The following NFXL1 variants were observed in gnomAD, a reference collection of about 807,000 sequenced individuals.
The protein encoded by NFXL1 is NF-X1-type zinc finger protein NFXL1.
NFXL1 carries 66 observed loss-of-function variants against 123.3 expected under a neutral mutation model. That is an observed-to-expected ratio of 0.54 (90% CI 0.44 to 0.66). The LOEUF (loss-of-function observed/expected upper bound fraction) is 0.66, where lower values mean the gene tolerates loss of function less well. NFXL1 is among the 30% of genes least tolerant of loss of function. NFXL1 has a pLI of 0.00. For synonymous variants in NFXL1, 346 were observed against 360.8 expected, an observed-to-expected ratio of 0.96 and a Z score of 0.46; for missense variants, 944 against 1,125.6, an observed-to-expected ratio of 0.84 and a Z score of 2.31.
In NFXL1 at chr4:47,880,202, GC is replaced by G. The variant is rs1221376932; in HGVS notation, c.1917-1086del. On this transcript the variant is annotated intron_variant, in intron 15 of 22. Transcript: ENST00000507489. ...CCTGAGCACAGGAGTTTCAAGCCCA[GC>G]CTGAGCAACATAATGAATCCCTGTC... Among the ~76,000 whole-genome samples the G allele has an allele frequency of 2.0e-5, 3 of 152,014 alleles. No homozygotes were observed. In the East Asian group the frequency reaches 5.8e-4, roughly 29 times the overall value.
At chr4:47,903,150 T>C in intron 5 of NFXL1, 43 bp downstream of exon 5, 2 of 1,444,112 alleles carry the variant, frequency 1.4e-6, no homozygotes, top group Non-Finnish European at 1.9e-6. Context: ...CAAAACTCCA[T>C]CTGAAAATAA....
At chr4:47,900,952 A>T (rs1737331420) in intron 5 of NFXL1, among the ~76,000 whole-genome samples, 1 of 152,156 alleles carries the variant, frequency 6.6e-6, no homozygotes. Flanking sequence ...TTTTTTATTA[A>T]AAGAAAAAGC....
At chr4:47,852,059 T>A in intron 20 of NFXL1, 117 bp from the exon 21 acceptor site, 1 of 597,750 alleles carries the variant, frequency 1.7e-6, no homozygotes. Context: ...GATGTCTTAA[T>A]ATTTAATGAT....
chr4:47,880,343 G>A (rs1736015751), intron 15 of NFXL1, among the ~76,000 whole-genome samples: 1 of 151,156 alleles, frequency 6.6e-6, no homozygotes, highest in African/African-American at 2.4e-5. Context: ...GAGCCCAGGA[G>A]GTGCAGGCTG....
At chr4:47,856,559 A>G (rs1213659542) in intron 19 of NFXL1, among the ~76,000 whole-genome samples, 1 of 152,160 alleles carries the variant, frequency 6.6e-6, no homozygotes, top group African/African-American at 2.4e-5. Context: ...ATGATTCACC[A>G]GATTGATTTT....
chr4:47,854,941 A>C, intron 20 of NFXL1, 118 bp downstream of exon 20: 1 of 130,350 alleles, frequency 7.7e-6, no homozygotes, highest in Non-Finnish European at 1.6e-5. Context: ...ATTAAAAGGC[A>C]AAAAAAAAAA....
intron 19 of NFXL1, among the ~76,000 whole-genome samples, chr4:47,858,430 T>C (rs1249981535): frequency 6.6e-6 from 1 of 152,208 alleles, no homozygotes; most frequent in Non-Finnish European, 1.5e-5. Context: ...TGCACATATG[T>C]ACCAGGATGC....
chr4:47,865,592 AGAG>A (rs1358225867), intron 18 of NFXL1, among the ~76,000 whole-genome samples: 2 of 152,208 alleles, frequency 1.3e-5, no homozygotes, highest in African/African-American at 4.8e-5. Flanking sequence ...GAAAAACAGA[AGAG>A]GAGGCTGAGC....
In NFXL1 at chr4:47,898,987, T is replaced by C; in HGVS notation, c.960A>G (p.Gln320=). Residue 320 remains glutamine (Q), a synonymous_variant, in exon 7 of 23, where the codon CAA becomes CAG. Coordinates refer to ENST00000507489, the MANE Select transcript of NFXL1 (RefSeq NM_001278624.2). The part of the protein sequence containing the change: ...LPCGQKLLCG[Q]HKCENPCHAG... ...CATGACAAGGATTTTCACACTTATG[T>C]TGCCCACAAAGCAACTTCTGTCCAC... 2 of 1,614,108 alleles carry C rather than the reference T, an allele frequency of 1.2e-6. No individual in the cohort carries two copies. The highest frequency in any genetic ancestry group is 1.7e-6 in the Non-Finnish European group (2 of 1,180,014).
chr4:47,906,079 T>C (rs552524417), intron 3 of NFXL1, among the ~76,000 whole-genome samples: 102 of 152,294 alleles, frequency 6.7e-4, no homozygotes, highest in African/African-American at 2.4e-3. Context: ...AAGTGAACCC[T>C]CTTAACCTCT....
rs1434774810 is a variant in NFXL1 at position 47,914,135 on chromosome 4, G to T, written c.69C>A (p.Pro23=). The change falls in exon 2 of 23, where the codon CCC becomes CCA. Residue 23 remains proline (P), a synonymous_variant. Coordinates refer to ENST00000507489, the MANE Select transcript of NFXL1 (RefSeq NM_001278624.2). ...GRSRGRATAA[P]SGNGVHLRGA... ...CGCGGAGATGGACTCCATTTCCTGA[G>T]GGGGCGGCAGTGGCCCGTCCCCGGG... The T allele has an allele frequency of 6.4e-7, 1 of 1,554,204 alleles. No individual in the cohort carries two copies. The highest frequency in any genetic ancestry group is 8.7e-7 in the Non-Finnish European group (1 of 1,149,300).
intron 20 of NFXL1, among the ~76,000 whole-genome samples, chr4:47,854,033 C>T (rs920116474): frequency 1.2e-4 from 19 of 152,070 alleles, no homozygotes; most frequent in Non-Finnish European, 2.8e-4. Context: ...AGACATCTCA[C>T]ATTAAAAATG....
At chr4:47,909,931 G>A (rs1387596501) in intron 3 of NFXL1, among the ~76,000 whole-genome samples, 2 of 151,964 alleles carry the variant, frequency 1.3e-5, no homozygotes, top group African/African-American at 4.8e-5. Flanking sequence ...AAAGTGCTGG[G>A]GTTATAGGCG....
Position 47,910,824 on chromosome 4 carries a change from C to T in NFXL1, c.406G>A (p.Asp136Asn). Residue 136 changes from aspartate (D) to asparagine (N), a missense_variant and splice_region_variant, in exon 3 of 23, where the codon GAT becomes AAT. Physicochemically the swap from Asp to Asn is conservative, Grantham distance 23 (BLOSUM62 1). This residue lies in a region of NFXL1 where 303 missense variants were observed against 292.1 expected (regional missense o/e 1.04). Transcript: ENST00000507489. Reference sequence around the variant, plus strand: ...AAGTCAAAATTTAAAAGATCAGTACCTGTCTGAGTAGTGTATGTTATAAAC... The same window carrying T: ...AAGTCAAAATTTAAAAGATCAGTACTTGTCTGAGTAGTGTATGTTATAAAC... Reference protein sequence around the residue: ...NTFITYTTQTDGDTRELERTK... With the variant: ...NTFITYTTQTNGDTRELERTK... The T allele has an allele frequency of 1.3e-6, 2 of 1,547,814 alleles. No individual in the cohort carries two copies. Among genetic ancestry groups the T allele is most frequent in the Non-Finnish European group, 1.7e-6 (2 of 1,151,682 alleles).
At chr4:47,849,406 T>TA (rs1177394613) in intron 22 of NFXL1, among the ~76,000 whole-genome samples, 1 of 152,130 alleles carries the variant, frequency 6.6e-6, no homozygotes, top group Admixed American at 6.6e-5. Flanking sequence ...AGACAATAGT[T>TA]AAAATATATA....
rs527598673 is a variant in NFXL1 at position 47,887,957 on chromosome 4, C to T, written c.1544-1958G>A. 5.9e-5 allele frequency among the ~76,000 whole-genome samples: 9 copies of T among 152,010 alleles called. No individual in the cohort carries two copies. The South Asian group carries it at 1.7e-3, about 28-fold the overall frequency. On this transcript the variant is annotated intron_variant, in intron 12 of 22. Coordinates refer to ENST00000507489, the MANE Select transcript of NFXL1 (RefSeq NM_001278624.2). ...TCGGGTAGTTCTAAAACTATAAACA[C>T]AGATGATCCTGAATTTAAAAAAAAA...
At chr4:47,876,660 T>G (rs1578010617) in intron 17 of NFXL1, among the ~76,000 whole-genome samples, 1 of 152,168 alleles carries the variant, frequency 6.6e-6, no homozygotes, top group African/African-American at 2.4e-5. Context: ...AGATGATACT[T>G]GATTTAAATT....
chr4:47,888,137 G>A (rs1361719748), intron 12 of NFXL1, among the ~76,000 whole-genome samples: 2 of 152,160 alleles, frequency 1.3e-5, no homozygotes, highest in Non-Finnish European at 2.9e-5. Flanking sequence ...AGCTGGACAT[G>A]GTGGCATATG....
At chr4:47,862,712 CTA>C (rs897986519) in intron 19 of NFXL1, 132 bp downstream of exon 19, 2 of 704,460 alleles carry the variant, frequency 2.8e-6, no homozygotes, top group African/African-American at 3.7e-5. Flanking sequence ...TCTACCCTAA[CTA>C]TATGTCTTAC....
Sources: allele counts gnomAD v4.1 joint callset (sites outside exome capture counted in the v4.1 genomes callset), GRCh38; gene constraint gnomAD v4.1.1; regional missense constraint gnomAD v4.1.1; transcripts MANE v1.5; gene names NCBI Gene and HGNC (gene_info 2026-07-23, HGNC 2026-07-21).